The following DTNA variants were observed in gnomAD, a reference collection of about 807,000 sequenced individuals.
DTNA encodes dystrophin-related protein 3.
A neutral mutation model predicts 100.7 loss-of-function variants in DTNA; 43 were observed. The ratio of observed to expected loss-of-function variants is 0.43; its 90% CI spans 0.33 to 0.55. The LOEUF (loss-of-function observed/expected upper bound fraction) is 0.55. Ranked by LOEUF, DTNA falls within the 20% of genes least tolerant of loss-of-function variation. The pLI, the probability that DTNA is intolerant of heterozygous loss-of-function variation, is 0.04. For missense variants in DTNA, 798 were observed against 953.9 expected (o/e 0.84, Z 2.15); for synonymous variants, 349 against 347.9 (o/e 1.00, Z -0.04).
At chr18:34,727,240 A>G (rs1170747332) in intron 1 of DTNA, among the ~76,000 whole-genome samples, 1 of 152,220 alleles carries the variant, frequency 6.6e-6, no homozygotes, top group African/African-American at 2.4e-5. Flanking sequence ...TGGTGATGGG[A>G]GGACTGTCCT....
intron 1 of DTNA, chr18:34,574,278 C>T (rs1358540283): frequency 6.5e-6 from 1 of 152,738 alleles, no homozygotes; most frequent in Non-Finnish European, 1.5e-5. Flanking sequence ...TCCATGGGAT[C>T]TGCTTGATCT....
chr18:34,618,008 A>G (rs967885931), intron 1 of DTNA, among the ~76,000 whole-genome samples: 4 of 152,130 alleles, frequency 2.6e-5, no homozygotes, highest in African/African-American at 9.7e-5. Flanking sequence ...TAATTTTCCA[A>G]TATTATACTG....
At chr18:34,859,411 A>T (rs2096591039) in intron 16 of DTNA, among the ~76,000 whole-genome samples, 1 of 152,224 alleles carries the variant, frequency 6.6e-6, no homozygotes, top group Admixed American at 6.5e-5. Flanking sequence ...TGGGGTTTAA[A>T]TACCCTATGG....
intron 1 of DTNA, among the ~76,000 whole-genome samples, chr18:34,495,381 A>G (rs1207753242): frequency 6.6e-6 from 1 of 152,202 alleles, no homozygotes; most frequent in Admixed American, 6.5e-5. Context: ...TTCACCATAA[A>G]GTTGAGATTT....
intron 17 of DTNA, chr18:34,868,344 C>T: frequency 8.9e-6 from 4 of 449,524 alleles, no homozygotes; most frequent in Non-Finnish European, 1.2e-5. Flanking sequence ...TTATACTGAC[C>T]TCAGTCAAAA....
At chr18:34,872,135 A>G (rs1307221597) in intron 17 of DTNA, among the ~76,000 whole-genome samples, 1 of 152,220 alleles carries the variant, frequency 6.6e-6, no homozygotes, top group Non-Finnish European at 1.5e-5. Context: ...TTGAAAAAGA[A>G]TGCCCACAGA....
rs758607715 is a variant in DTNA, at chr18:34,879,558, G to C, written c.2001G>C (p.Gly667=). 9.3e-6 allele frequency: 15 copies of C among 1,614,016 alleles called. No individual in the cohort carries two copies. The South Asian group carries it at 1.6e-4, about 18-fold the overall frequency. ...TTCAATTGTATCTGCTAGAGGTTGG[G>C]AGTGAAACAGAGAGTAATGTGGATT... ...SLVKELNSEV[G]SETESNVDSE... Residue 667 remains glycine (G), a synonymous_variant, in exon 20 of 23, where the codon GGG becomes GGC. Transcript: ENST00000444659.
intron 1 of DTNA, among the ~76,000 whole-genome samples, chr18:34,737,530 T>C (rs2089850436): frequency 6.6e-6 from 1 of 152,170 alleles, no homozygotes; most frequent in South Asian, 2.1e-4. Flanking sequence ...TTATGATGCA[T>C]ACAACCAAGG....
At chr18:34,702,038 T>A (rs2081444725) in intron 1 of DTNA, among the ~76,000 whole-genome samples, 1 of 152,164 alleles carries the variant, frequency 6.6e-6, no homozygotes, top group Non-Finnish European at 1.5e-5. Context: ...GAGAATAAAT[T>A]TCAGAATCCC....
At chr18:34,852,509 G>A (rs1329328543) in intron 15 of DTNA, among the ~76,000 whole-genome samples, 2 of 152,124 alleles carry the variant, frequency 1.3e-5, no homozygotes, top group Non-Finnish European at 2.9e-5. Flanking sequence ...ACCCAGTTCA[G>A]CCTGTCCTTT....
chr18:34,873,973 G>A (rs1048337060), intron 17 of DTNA, among the ~76,000 whole-genome samples: 6 of 152,124 alleles, frequency 3.9e-5, no homozygotes, highest in African/African-American at 1.4e-4. Flanking sequence ...TCAGCCCATT[G>A]GGCACCCCAT....
chr18:34,821,853 G>A (rs1387428127), intron 9 of DTNA, among the ~76,000 whole-genome samples: 1 of 152,228 alleles, frequency 6.6e-6, no homozygotes, highest in Non-Finnish European at 1.5e-5. Flanking sequence ...GCTTCAGGCA[G>A]TTCAGCATAT....
intron 1 of DTNA, among the ~76,000 whole-genome samples, chr18:34,499,011 C>G (rs2039597602): frequency 6.6e-6 from 1 of 152,092 alleles, no homozygotes; most frequent in Non-Finnish European, 1.5e-5. Context: ...GTGGTAAATT[C>G]TTGCAAAATG....
chr18:34,653,132 T>C (rs2073845289), intron 1 of DTNA, among the ~76,000 whole-genome samples: 1 of 152,192 alleles, frequency 6.6e-6, no homozygotes, highest in South Asian at 2.1e-4. Context: ...TCTAAAATAC[T>C]TGAAACTGTA....
chr18:34,519,441 T>C lies in DTNA; in HGVS notation c.-2+25927T>C, dbSNP rs143127516. Among the ~76,000 whole-genome samples, 103 of 152,224 alleles carry C rather than the reference T, an allele frequency of 6.8e-4. 1 individual carries two copies. The highest frequency in any genetic ancestry group is 2.3e-3 in the African/African-American group (95 of 41,542). On this transcript the variant is annotated intron_variant, in intron 1 of 19. Coordinates refer to the DTNA transcript ENST00000283365. Reference sequence around the variant, plus strand: ...AAATAGAGTGATTCTGATTACAAACTTCATTAAATAAATAAATAAATAACT... The same window carrying C: ...AAATAGAGTGATTCTGATTACAAACCTCATTAAATAAATAAATAAATAACT...
rs773726608 is a variant in DTNA at position 34,816,015 on chromosome 18, G to A, written c.709+1G>A. ...CATCGACTAGCAAATGTGGAAAATG[G>A]TGAGTAGTTACTAAGGAGCAAAGGT... On this transcript the variant is annotated splice_donor_variant, in intron 7 of 22. Coordinates refer to ENST00000444659, the MANE Select transcript of DTNA (RefSeq NM_001386795.1). LOFTEE classifies it high-confidence loss of function. 1.2e-6 allele frequency: 2 copies of A among 1,613,200 alleles called. No individual in the cohort carries two copies. The highest frequency in any genetic ancestry group is 1.7e-5 in the Admixed American group (1 of 60,006).
At chr18:34,518,500 C>T (rs1343165863) in intron 1 of DTNA, among the ~76,000 whole-genome samples, 1 of 151,824 alleles carries the variant, frequency 6.6e-6, no homozygotes, top group Non-Finnish European at 1.5e-5. Flanking sequence ...GAATTCTTTA[C>T]CTAAATCTCT....
chr18:34,721,884 C>T (rs2085411707), intron 1 of DTNA, among the ~76,000 whole-genome samples: 1 of 152,086 alleles, frequency 6.6e-6, no homozygotes, highest in Admixed American at 6.6e-5. Context: ...ATACTCTTCC[C>T]CTGGCTAATG....
At chr18:34,554,824 G>A in intron 1 of DTNA, among the ~76,000 whole-genome samples, 2 of 149,496 alleles carry the variant, frequency 1.3e-5, no homozygotes, top group Non-Finnish European at 3.0e-5. Flanking sequence ...AAGGATATTG[G>A]TCTAAAATTC....
Sources: allele counts gnomAD v4.1 joint callset (sites outside exome capture counted in the v4.1 genomes callset), GRCh38; gene constraint gnomAD v4.1.1; transcripts MANE v1.5; gene names NCBI Gene and HGNC (gene_info 2026-07-23, HGNC 2026-07-21).